The following PCTP variants were observed in gnomAD, a reference collection of about 807,000 sequenced individuals.
PCTP encodes the protein START domain-containing protein 2.
In PCTP, 27 loss-of-function variants were observed where a neutral mutation model predicts 31.0. That is an observed-to-expected ratio of 0.87 (90% CI 0.64 to 1.20). PCTP has a LOEUF of 1.20. PCTP is among the 50% of genes most tolerant of loss of function. PCTP has a pLI of 0.00. For synonymous variants in PCTP, 108 were observed against 101.2 expected (o/e 1.07, Z -0.40); for missense variants, 287 against 268.2 (o/e 1.07, Z -0.49).
At chr17:55,774,229 A>C (rs940690805) in intron 4 of PCTP, among the ~76,000 whole-genome samples, 1 of 152,182 alleles carries the variant, frequency 6.6e-6, no homozygotes, top group Non-Finnish European at 1.5e-5. Flanking sequence ...GCCTAAGGGT[A>C]GGCAAGAAAG....
intron 3 of PCTP, among the ~76,000 whole-genome samples, chr17:55,798,499 G>A (rs564942943): frequency 2.6e-5 from 4 of 151,992 alleles, no homozygotes; most frequent in African/African-American, 9.6e-5. Flanking sequence ...AAAAAGATAT[G>A]TTAGCATTAA....
intron 3 of PCTP, among the ~76,000 whole-genome samples, chr17:55,818,386 T>C (rs1055251392): frequency 2.6e-5 from 4 of 152,200 alleles, no homozygotes; most frequent in African/African-American, 9.6e-5. Flanking sequence ...TATCTCAGCA[T>C]TTGTCACTGT....
intron 1 of PCTP, among the ~76,000 whole-genome samples, chr17:55,765,752 T>C (rs754767358): frequency 6.6e-6 from 1 of 152,226 alleles, no homozygotes. Flanking sequence ...TCCATAGCAA[T>C]GAGAATAAAA....
Position 55,776,568 on chromosome 17 carries a change from A to G in PCTP, c.*468A>G, listed in dbSNP as rs918923914. 5.6e-5 allele frequency: 69 copies of G among 1,231,642 alleles called. No homozygotes were observed. The highest frequency in any genetic ancestry group is 6.8e-5 in the Non-Finnish European group (67 of 988,268). The allele number at this position is 1,231,642 out of a possible 1,614,324, so 76.3% of individuals were successfully genotyped here. ...CTTCCAGCTTGGGAGGGGCTGCTGG[A>G]AGTGGCATTTCGTTCAGAGCTGACT... On this transcript the variant is annotated 3_prime_UTR_variant, in exon 6 of 6. Coordinates refer to ENST00000268896, the MANE Select transcript of PCTP (RefSeq NM_021213.4).
chr17:55,773,267 T>G lies in PCTP; in HGVS notation c.340-457T>G, dbSNP rs535075451. On this transcript the variant is annotated intron_variant, in intron 3 of 5. Coordinates refer to ENST00000268896, the MANE Select transcript of PCTP (RefSeq NM_021213.4). The stretch of plus-strand genomic sequence containing the variant: ...GCCAGAACAAAGAGGAATGACACCA[T>G]TGTCTGTCGAGTGCTTACTCTGCCC... 2.0e-5 allele frequency among the ~76,000 whole-genome samples: 3 copies of G among 152,276 alleles called. No homozygotes were observed. The South Asian group carries it at 6.2e-4, about 32-fold the overall frequency.
chr17:55,820,455 A>G (rs1330542078), intron 3 of PCTP, among the ~76,000 whole-genome samples: 1 of 152,194 alleles, frequency 6.6e-6, no homozygotes, highest in Non-Finnish European at 1.5e-5. Flanking sequence ...AGGTCCTCAC[A>G]TGATAGAAGG....
At chr17:55,845,891 T>G (rs62078600), downstream of PCTP, among the ~76,000 whole-genome samples, 31 of 127,732 alleles carry the variant, frequency 2.4e-4, no homozygotes, top group Non-Finnish European at 1.4e-4. Flanking sequence ...GGTTGGGGTG[T>G]GTGTGTGTGT....
At position 55,777,225 on chromosome 17, in the gene PCTP, G is replaced by A. The variant is rs1446078312; in HGVS notation, c.*1125G>A. On this transcript the variant is annotated 3_prime_UTR_variant, in exon 6 of 6. Coordinates refer to ENST00000268896, the MANE Select transcript of PCTP (RefSeq NM_021213.4). ...CTCAGGGAAAAATTTTAATCACTGTGTATAATGATACTGAACCTTGATTAA... is the reference window on the plus strand; with the variant it reads ...CTCAGGGAAAAATTTTAATCACTGTATATAATGATACTGAACCTTGATTAA... The A allele has an allele frequency of 1.0e-6, 1 of 985,316 alleles. No homozygotes were observed. The highest frequency in any genetic ancestry group is 1.2e-6 in the Non-Finnish European group (1 of 829,508). The allele number at this position is 985,316 out of a possible 1,614,324, so 61.0% of individuals were successfully genotyped here. A position where few individuals can be genotyped will look rare whatever the true frequency, so the allele number is the denominator to read the frequency against.
intron 1 of PCTP, among the ~76,000 whole-genome samples, chr17:55,761,412 T>G (rs1910332981): frequency 6.6e-6 from 1 of 151,672 alleles, no homozygotes; most frequent in South Asian, 2.1e-4. Flanking sequence ...AGTAGAAGCC[T>G]CTGCCTGGTT....
chr17:55,771,288 C>A, intron 3 of PCTP, 103 bp downstream of exon 3: 1 of 862,250 alleles, frequency 1.2e-6, no homozygotes. Context: ...TCAGCAGGCA[C>A]AGATAACATT....
At chr17:55,826,631 G>A (rs536193498), downstream of PCTP, among the ~76,000 whole-genome samples, 26 of 152,262 alleles carry the variant, frequency 1.7e-4, no homozygotes, top group South Asian at 3.5e-3. Flanking sequence ...GAGGCAAAGC[G>A]TATTTAGTTT....
At chr17:55,813,069 T>C (rs1029016847) in intron 3 of PCTP, among the ~76,000 whole-genome samples, 6 of 152,028 alleles carry the variant, frequency 3.9e-5, no homozygotes, top group Non-Finnish European at 8.8e-5. Flanking sequence ...AGGGGTTGGG[T>C]TGTGCCTTGC....
chr17:55,804,861 T>TA (rs926797040), intron 3 of PCTP, among the ~76,000 whole-genome samples: 12 of 151,770 alleles, frequency 7.9e-5, no homozygotes, highest in African/African-American at 1.5e-4. Flanking sequence ...TAAAATTTAA[T>TA]AAAAAAAATT....
chr17:55,832,148 C>A (rs1259974414), intron 5 of PCTP, among the ~76,000 whole-genome samples: 1 of 152,204 alleles, frequency 6.6e-6, no homozygotes, highest in African/African-American at 2.4e-5. Context: ...GTTTCTGTCT[C>A]TCCTTTCTGC....
At chr17:55,762,012 C>T (rs943283719) in intron 1 of PCTP, among the ~76,000 whole-genome samples, 45 of 152,176 alleles carry the variant, frequency 3.0e-4, no homozygotes, top group Middle Eastern at 6.8e-3. Flanking sequence ...AGTGCTTTGC[C>T]GATAAGCTCT....
At chr17:55,826,039 C>G (rs1905384340), downstream of PCTP, among the ~76,000 whole-genome samples, 2 of 152,124 alleles carry the variant, frequency 1.3e-5, no homozygotes, top group South Asian at 4.1e-4. Context: ...AATCAAGAAT[C>G]AGAAAAATTA....
intron 5 of PCTP, chr17:55,775,283 C>CTTT (rs535238414): frequency 3.1e-6 from 3 of 979,850 alleles, no homozygotes; most frequent in Non-Finnish European, 3.9e-6. Context: ...TGTTGTTGCC[C>CTTT]TTTTTTTTTT....
chr17:55,817,869 G>T (rs1292618266), intron 3 of PCTP, among the ~76,000 whole-genome samples: 1 of 152,180 alleles, frequency 6.6e-6, no homozygotes, highest in East Asian at 1.9e-4. Flanking sequence ...AAGAAACCAT[G>T]GCTAAGAACA....
At chr17:55,777,875 TC>T (rs1440716757), downstream of PCTP, among the ~76,000 whole-genome samples, 1 of 151,840 alleles carries the variant, frequency 6.6e-6, no homozygotes. Flanking sequence ...TCTGAATACT[TC>T]CTGTTAATAG....
Sources: allele counts gnomAD v4.1 joint callset (sites outside exome capture counted in the v4.1 genomes callset), GRCh38; gene constraint gnomAD v4.1.1; transcripts MANE v1.5; gene names NCBI Gene and HGNC (gene_info 2026-07-23, HGNC 2026-07-21).